Variants in SHQ1 observed in about 807,000 individuals in gnomAD.
SHQ1 encodes the protein SHQ1, H/ACA ribonucleoprotein assembly factor.
In SHQ1, 49 loss-of-function variants were observed where a neutral mutation model predicts 53.8. The observed-to-expected ratio is 0.91, with a 90% CI of 0.72 to 1.16. The LOEUF is 1.16. SHQ1 is among the 50% of genes most tolerant of loss of function. The pLI is 0.00. For missense variants in SHQ1, 738 were observed against 683.1 expected, an observed-to-expected ratio of 1.08 and a Z score of -0.90; for synonymous variants, 243 against 251.0, an observed-to-expected ratio of 0.97 and a Z score of 0.30.
chr3:72,840,242 T>TAAA (rs71623990), intron 4 of SHQ1, among the ~76,000 whole-genome samples: 5 of 93,566 alleles, frequency 5.3e-5, no homozygotes, highest in South Asian at 3.5e-4. Flanking sequence ...GACTCTGTCT[T>TAAA]AAAAAAAAAA....
At chr3:72,811,155 A>G (rs150269900) in intron 9 of SHQ1, among the ~76,000 whole-genome samples, 143 of 152,278 alleles carry the variant, frequency 9.4e-4, no homozygotes, top group Non-Finnish European at 1.6e-3. Flanking sequence ...AAAAAGTAAC[A>G]AGCAATAGTC....
intron 6 of SHQ1, among the ~76,000 whole-genome samples, chr3:72,822,586 C>A (rs567827744): frequency 6.6e-5 from 10 of 152,300 alleles, no homozygotes; most frequent in South Asian, 4.1e-4. Flanking sequence ...AACTACGCAA[C>A]CATCAATTTT....
intron 9 of SHQ1, among the ~76,000 whole-genome samples, chr3:72,811,797 G>C (rs1575712973): frequency 6.6e-6 from 1 of 152,154 alleles, no homozygotes; most frequent in Non-Finnish European, 1.5e-5. Flanking sequence ...GAGGTAGAAG[G>C]AAGAACTTCC....
At chr3:72,798,113 A>C (rs1192598566) in intron 9 of SHQ1, among the ~76,000 whole-genome samples, 1 of 152,232 alleles carries the variant, frequency 6.6e-6, no homozygotes, top group African/African-American at 2.4e-5. Flanking sequence ...CTAAGGCCTA[A>C]GTCCAAGATA....
At chr3:72,741,729 A>T in the SHQ1 span, among the ~76,000 whole-genome samples, 1 of 152,142 alleles carries the variant, frequency 6.6e-6, no homozygotes, top group Non-Finnish European at 1.5e-5. Flanking sequence ...CTGTAATTCA[A>T]GGGGATGCAG....
intron 10 of SHQ1, among the ~76,000 whole-genome samples, chr3:72,781,376 G>C (rs1016024348): frequency 6.6e-6 from 1 of 152,006 alleles, no homozygotes; most frequent in Admixed American, 6.6e-5. Flanking sequence ...TTTTCAAGAA[G>C]GGCTCGCATT....
intron 10 of SHQ1, among the ~76,000 whole-genome samples, chr3:72,789,351 T>C (rs1283627017): frequency 6.6e-6 from 1 of 152,196 alleles, no homozygotes; most frequent in African/African-American, 2.4e-5. Context: ...AAATTATGCA[T>C]GGATCTTTTT....
rs181436194 is a variant in SHQ1 at position 72,749,640 on chromosome 3, T to C, written c.*644A>G. Reference sequence around the variant, plus strand: ...ACATACGCCAACACATTGTACACTTTTGATACGTGCAGTTTATTGGGTGTC... The same window carrying C: ...ACATACGCCAACACATTGTACACTTCTGATACGTGCAGTTTATTGGGTGTC... On this transcript the variant is annotated 3_prime_UTR_variant, in exon 11 of 11. Transcript: ENST00000325599. The C allele has an allele frequency of 1.8e-5, 4 of 217,764 alleles. No individual in the cohort carries two copies. The Admixed American group carries it at 2.3e-4, about 13-fold the overall frequency. The allele number at this position is 217,764 out of a possible 1,614,324, so 13.5% of individuals were successfully genotyped here. A position where few individuals can be genotyped will look rare whatever the true frequency, so the allele number is the denominator to read the frequency against.
intron 10 of SHQ1, among the ~76,000 whole-genome samples, chr3:72,780,960 C>T (rs917206147): frequency 6.6e-6 from 1 of 152,008 alleles, no homozygotes; most frequent in African/African-American, 2.4e-5. Flanking sequence ...CCCACCACTA[C>T]ACCCGGCTAA....
At chr3:72,726,116 G>A in the SHQ1 span, among the ~76,000 whole-genome samples, 2 of 152,104 alleles carry the variant, frequency 1.3e-5, no homozygotes, top group Non-Finnish European at 2.9e-5. Context: ...AAAAAGAAAT[G>A]TAGTACTATT....
At chr3:72,756,331 A>C (rs1032681056) in intron 10 of SHQ1, among the ~76,000 whole-genome samples, 1 of 152,276 alleles carries the variant, frequency 6.6e-6, no homozygotes, top group East Asian at 1.9e-4. Context: ...TGTGGAGTGC[A>C]GTGGAGCGAT....
chr3:72,750,952 G>GAT, intron 10 of SHQ1, 116 bp from the exon 11 acceptor site: 1 of 761,448 alleles, frequency 1.3e-6, no homozygotes, highest in South Asian at 2.0e-5. Flanking sequence ...GGCACACCAG[G>GAT]ATATATATCA....
rs1197235374 is a variant in SHQ1, at chr3:72,824,478, T to C, written c.673A>G (p.Lys225Glu). Residue 225 changes from lysine (K) to glutamate (E), a missense_variant, in exon 6 of 11, where the codon AAA (lysine) becomes GAA (glutamate). Physicochemically the swap from Lys to Glu is moderately conservative, Grantham distance 56. Coordinates refer to ENST00000325599, the MANE Select transcript of SHQ1 (RefSeq NM_018130.3). ...YNPWWTDKYSKMMAFLEKSQE... is the reference protein window; with the variant it reads ...YNPWWTDKYSEMMAFLEKSQE... ...CTCTTTTCCAAAAAGGCCATCATTT[T>C]TGAATATTTGTCAGTCCACCAAGGA... 2 of 1,613,064 alleles carry C rather than the reference T, an allele frequency of 1.2e-6. No individual in the cohort carries two copies. Among genetic ancestry groups the C allele is most frequent in the South Asian group, 1.1e-5 (1 of 90,880 alleles).
At chr3:72,727,974 A>G in the SHQ1 span, among the ~76,000 whole-genome samples, 1 of 152,312 alleles carries the variant, frequency 6.6e-6, no homozygotes, top group African/African-American at 2.4e-5. Flanking sequence ...CAAGCCGTGG[A>G]GTCCCTGGAA....
intron 5 of SHQ1, 31 bp from the exon 6 acceptor site, chr3:72,824,582 A>G (rs776775069): frequency 1.3e-6 from 2 of 1,580,748 alleles, no homozygotes; most frequent in South Asian, 2.4e-5. Context: ...AACTTACTAT[A>G]CAGGATTTCA....
intron 9 of SHQ1, chr3:72,809,481 G>A (rs1459051154): frequency 2.0e-5 from 3 of 152,034 alleles, no homozygotes; most frequent in African/African-American, 7.2e-5. Context: ...CTCAAAGGCG[G>A]AAGTGAAAGC....
At chr3:72,836,390 G>A (rs944947260) in intron 4 of SHQ1, among the ~76,000 whole-genome samples, 2 of 152,168 alleles carry the variant, frequency 1.3e-5, no homozygotes, top group African/African-American at 2.4e-5. Context: ...TCGGGAGGCT[G>A]AGGCAGGAAA....
chr3:72,840,124 C>T (rs13091734), intron 4 of SHQ1, among the ~76,000 whole-genome samples: 53,440 of 149,736 alleles, frequency 0.36, 10,327 homozygotes, highest in East Asian at 0.66. Context: ...TGGTGATGGG[C>T]GCCTGTAATC....
At chr3:72,765,428 A>T (rs567667446) in intron 10 of SHQ1, among the ~76,000 whole-genome samples, 22 of 129,524 alleles carry the variant, frequency 1.7e-4, no homozygotes, top group African/African-American at 2.3e-4. Flanking sequence ...TCACTGATTC[A>T]TTTTTTTTTT....
Sources: allele counts gnomAD v4.1 joint callset (sites outside exome capture counted in the v4.1 genomes callset), GRCh38; gene constraint gnomAD v4.1.1; transcripts MANE v1.5; gene names NCBI Gene and HGNC (gene_info 2026-07-23, HGNC 2026-07-21).